DLGAP3: variants seen among roughly 807,000 people sequenced by gnomAD.
The protein encoded by DLGAP3 is DLG associated protein 3.
Under a neutral mutation model 81.2 loss-of-function variants are expected in DLGAP3, and 17 were observed. The ratio of observed to expected loss-of-function variants is 0.21; its 90% CI spans 0.14 to 0.31. The LOEUF (loss-of-function observed/expected upper bound fraction) is 0.31. Among genes scored for constraint, DLGAP3 ranks in the 10% least tolerant of loss-of-function variants. The pLI, the probability that DLGAP3 is intolerant of heterozygous loss-of-function variation, is 1.00. For missense variants in DLGAP3, 1,124 were observed against 1,388.0 expected (o/e 0.81, Z 3.02); for synonymous variants, 577 against 587.4 (o/e 0.98, Z 0.26).
intron 3 of DLGAP3, among the ~76,000 whole-genome samples, chr1:34,903,120 A>G (rs530134959): frequency 6.6e-6 from 1 of 152,256 alleles, no homozygotes; most frequent in African/African-American, 2.4e-5. Context: ...TCTATTCTCC[A>G]TACCTTTGAA....
Position 34,866,290 on chromosome 1 carries a change from C to T in DLGAP3, c.2733G>A (p.Lys911=), listed in dbSNP as rs1252413857. 7.2e-6 allele frequency: 11 copies of T among 1,526,734 alleles called. No individual in the cohort carries two copies. The highest frequency in any genetic ancestry group is 1.4e-5 in the African/African-American group (1 of 72,330). 94.6% of individuals were successfully genotyped at this position (1,526,734 alleles called of 1,614,324 possible). A position where few individuals can be genotyped will look rare whatever the true frequency, so the allele number is the denominator to read the frequency against. Reference sequence around the variant, plus strand: ...GCTTCTTTGGTATCGGCGGAGGGACCTTCTTCTCCTCCTGCGGGGCAGAGG... The same window carrying T: ...GCTTCTTTGGTATCGGCGGAGGGACTTTCTTCTCCTCCTGCGGGGCAGAGG... ...WKLLEPKEEK[K]VPPPIPKKPL... is the part of the protein sequence containing the mutation. The change falls in exon 12 of 12, where the codon AAG becomes AAA. Residue 911 remains lysine, a synonymous_variant. Coordinates refer to ENST00000373347, the MANE Select transcript of DLGAP3 (RefSeq NM_001080418.3).
chr1:34,900,094 G>A lies in DLGAP3; in HGVS notation c.1287C>T (p.Ser429=). The change falls in exon 4 of 12, where the codon TCC becomes TCT. Residue 429 remains serine, a synonymous_variant. Coordinates refer to ENST00000373347, the MANE Select transcript of DLGAP3 (RefSeq NM_001080418.3). The surrounding 1 kb of genome is among the most constrained non-coding windows in gnomAD (Gnocchi z 5.6). ...AVARRFTTRR[S]SSVDQARINC... ...TGATCCTGGCCTGGTCCACGCTGGA[G>A]GAGCGACGGGTGGTGAAGCGTCGGG... 1 of 1,613,710 alleles carries A rather than the reference G, an allele frequency of 6.2e-7. No individual in the cohort carries two copies. The highest frequency in any genetic ancestry group is 2.2e-5 in the East Asian group (1 of 44,876).
intron 5 of DLGAP3, among the ~76,000 whole-genome samples, chr1:34,894,574 CA>C (rs1193049306): frequency 1.3e-5 from 2 of 152,144 alleles, no homozygotes; most frequent in Non-Finnish European, 2.9e-5. Context: ...AGACAGATGA[CA>C]AAAGAATATC....
chr1:34,900,365 C>T lies in DLGAP3; in HGVS notation c.1108-92G>A. 2 of 1,384,826 alleles carry T rather than the reference C, an allele frequency of 1.4e-6. No individual in the cohort carries two copies. Among genetic ancestry groups the T allele is most frequent in the Non-Finnish European group, 2.0e-6 (2 of 982,812 alleles). The allele number at this position is 1,384,826 out of a possible 1,614,324, so 85.8% of individuals were successfully genotyped here. On this transcript the variant is annotated intron_variant, in intron 3 of 11. Transcript: ENST00000373347. This position sits in a 1 kb window ranked among gnomAD's most constrained non-coding sequence, Gnocchi z 5.6. The stretch of plus-strand genomic sequence containing the variant: ...CCCACTGCCAGTGGGAGATGCCCTG[C>T]CCTGGCTTGAACAGGCACACTCAGG...
intron 5 of DLGAP3, among the ~76,000 whole-genome samples, chr1:34,889,478 T>C (rs6425920): frequency 0.69 from 104,371 of 152,162 alleles, 37,255 homozygotes; most frequent in Middle Eastern, 0.8. Context: ...CCAACATCCA[T>C]TTACAGGAGA....
intron 1 of DLGAP3, among the ~76,000 whole-genome samples, chr1:34,912,564 C>T (rs544921194): frequency 6.6e-6 from 1 of 152,216 alleles, no homozygotes; most frequent in African/African-American, 2.4e-5. Flanking sequence ...ATCCCCTCAC[C>T]TGGAGCCTAT....
At chr1:34,886,327 G>A in intron 5 of DLGAP3, 42 bp from the exon 6 acceptor site, 1 of 1,517,146 alleles carries the variant, frequency 6.6e-7, no homozygotes, top group Non-Finnish European at 8.9e-7. Context: ...AAGGTGCCGG[G>A]AGGGGGTGGA....
At chr1:34,910,213 A>T (rs1317991524) in intron 1 of DLGAP3, among the ~76,000 whole-genome samples, 1 of 152,152 alleles carries the variant, frequency 6.6e-6, no homozygotes, top group Admixed American at 6.5e-5. Flanking sequence ...GTGATAAGGA[A>T]TGCGCTCTTT....
At position 34,866,048 on chromosome 1, in the gene DLGAP3, C is replaced by CGCGGGCCCGGGCCGGGCTGG; in HGVS notation, c.*15_*34dup. 1 of 1,558,156 alleles carries CGCGGGCCCGGGCCGGGCTGG rather than the reference C, an allele frequency of 6.4e-7. No individual in the cohort carries two copies. On this transcript the variant is annotated 3_prime_UTR_variant, in exon 12 of 12. Transcript: ENST00000373347. The stretch of plus-strand genomic sequence containing the variant: ...TGGGTGTACAGTACGGGTGGAGAAC[C>CGCGGGCCCGGGCCGGGCTGG]GCGGGCCCGGGCCGGGCTGGGCGGG...
intron 5 of DLGAP3, among the ~76,000 whole-genome samples, chr1:34,888,923 C>T (rs1639274742): frequency 2.0e-5 from 3 of 152,204 alleles, no homozygotes; most frequent in Admixed American, 2.0e-4. Flanking sequence ...GAGTGTCCCT[C>T]TTGGAGCACA....
At chr1:34,882,725 A>G (rs1158466533) in intron 8 of DLGAP3, among the ~76,000 whole-genome samples, 1 of 132,262 alleles carries the variant, frequency 7.6e-6, no homozygotes. Context: ...CATAAGTTAG[A>G]TCATGTTGCA....
At chr1:34,921,893 G>A (rs1221210498) in intron 1 of DLGAP3, among the ~76,000 whole-genome samples, 6 of 152,196 alleles carry the variant, frequency 3.9e-5, no homozygotes, top group African/African-American at 1.4e-4. Flanking sequence ...GTTAATGGAT[G>A]TGCATGTTAG....
intron 1 of DLGAP3, among the ~76,000 whole-genome samples, chr1:34,927,554 C>T (rs550802886): frequency 8.5e-5 from 13 of 152,250 alleles, no homozygotes; most frequent in African/African-American, 2.9e-4. Flanking sequence ...GTGGGAGATG[C>T]GGGGGCTGTA....
intron 1 of DLGAP3, among the ~76,000 whole-genome samples, chr1:34,918,014 G>T (rs184235722): frequency 1.7e-4 from 26 of 152,350 alleles, no homozygotes; most frequent in African/African-American, 6.0e-4. Context: ...AGCTGAGGGA[G>T]GGAGGGGGCT....
At chr1:34,924,454 G>A (rs1639838814) in intron 1 of DLGAP3, among the ~76,000 whole-genome samples, 1 of 152,190 alleles carries the variant, frequency 6.6e-6, no homozygotes, top group Admixed American at 6.5e-5. Flanking sequence ...CAGGCTTGCA[G>A]AATATTTCAG....
In DLGAP3 at chr1:34,888,109, T is replaced by C. The variant is rs369279081; in HGVS notation, c.1387-1824A>G. 3.3e-5 allele frequency among the ~76,000 whole-genome samples: 5 copies of C among 152,332 alleles called. No homozygotes were observed. The East Asian group carries it at 9.7e-4, about 29-fold the overall frequency. On this transcript the variant is annotated intron_variant, in intron 5 of 11. Coordinates refer to ENST00000373347, the MANE Select transcript of DLGAP3 (RefSeq NM_001080418.3). ...GGCAAACATAACAGCAAGTATCACATGGCTGCATCTTGTGACATCTCCCAG... is the reference window on the plus strand; with the variant it reads ...GGCAAACATAACAGCAAGTATCACACGGCTGCATCTTGTGACATCTCCCAG...
chr1:34,913,200 A>C (rs1639664281), intron 1 of DLGAP3, among the ~76,000 whole-genome samples: 1 of 152,156 alleles, frequency 6.6e-6, no homozygotes, highest in African/African-American at 2.4e-5. Flanking sequence ...TTATTACTTT[A>C]TTTAATCAAC....
chr1:34,867,131 G>C lies in DLGAP3; in HGVS notation c.2638C>G (p.Gln880Glu). 1 of 1,614,206 alleles carries C rather than the reference G, an allele frequency of 6.2e-7. No individual in the cohort carries two copies. The highest frequency in any genetic ancestry group is 8.5e-7 in the Non-Finnish European group (1 of 1,180,014). ...AGGGTCACATCCTCGATGGAGAGCT[G>C]TAGGAGGTCCCAGAAACCCGCCAGG... ...QDLAGFWDLL[Q>E]LSIEDVTLKF... is the part of the protein sequence containing the mutation. The change falls in exon 11 of 12, where the codon CAG (glutamine) becomes GAG (glutamate). Residue 880 changes from glutamine to glutamate, a missense_variant. By Grantham distance (29) the Gln-to-Glu change is conservative. Transcript: ENST00000373347. The surrounding 1 kb of genome is among the most constrained non-coding windows in gnomAD (Gnocchi z 4.3).
At position 34,867,154 on chromosome 1, in the gene DLGAP3, AG is replaced by A; in HGVS notation, c.2614del (p.Leu872TrpfsTer15). ...CTGTAGGAGGTCCCAGAAACCCGCCAGGTCCTGGAAGGTGGGCACAGGGAAC... is the reference window on the plus strand; with the variant it reads ...CTGTAGGAGGTCCCAGAAACCCGCCAGTCCTGGAAGGTGGGCACAGGGAAC... The part of the protein sequence containing the change: ...TAFPVPTFQD[L>X]AGFWDLLQLS... On this transcript the variant is annotated frameshift_variant, in exon 11 of 12. Transcript: ENST00000373347. LOFTEE classifies it high-confidence loss of function. This position sits in a 1 kb window ranked among gnomAD's most constrained non-coding sequence, Gnocchi z 4.3. 6.2e-7 allele frequency: 1 copy of A among 1,614,206 alleles called. No individual in the cohort carries two copies. The highest frequency in any genetic ancestry group is 8.5e-7 in the Non-Finnish European group (1 of 1,180,044).
Sources: allele counts gnomAD v4.1 joint callset (sites outside exome capture counted in the v4.1 genomes callset), GRCh38; gene constraint gnomAD v4.1.1; non-coding constraint Gnocchi (gnomAD v3.1); transcripts MANE v1.5; gene names NCBI Gene and HGNC (gene_info 2026-07-23, HGNC 2026-07-21).